The following ATXN7L1 variants were observed in gnomAD, a reference collection of about 807,000 sequenced individuals.
ATXN7L1 encodes the protein ataxin 7 like 1, also known as ataxin-7-like protein 1.
ATXN7L1 carries 15 observed loss-of-function variants against 70.8 expected under a neutral mutation model. That is an observed-to-expected ratio of 0.21 (90% CI 0.14 to 0.33). The LOEUF is 0.33. Ranked by LOEUF, ATXN7L1 falls within the 10% of genes least tolerant of loss-of-function variation. The pLI is 1.00. For missense variants in ATXN7L1, 975 were observed against 1,097.1 expected, an observed-to-expected ratio of 0.89 and a Z score of 1.57; for synonymous variants, 440 against 445.1, an observed-to-expected ratio of 0.99 and a Z score of 0.14.
chr7:105,617,079 T>A (rs964466843), intron 9 of ATXN7L1, among the ~76,000 whole-genome samples: 4 of 151,790 alleles, frequency 2.6e-5, no homozygotes, highest in Admixed American at 1.3e-4. Context: ...CAGGCTGGAG[T>A]GCAGTGGTGT....
At chr7:105,663,540 G>A (rs1802041409) in intron 4 of ATXN7L1, among the ~76,000 whole-genome samples, 1 of 152,066 alleles carries the variant, frequency 6.6e-6, no homozygotes, top group Non-Finnish European at 1.5e-5. Flanking sequence ...AAATTAGATG[G>A]ACTCCACACT....
chr7:105,646,945 GA>G (rs141884008), intron 4 of ATXN7L1, among the ~76,000 whole-genome samples: 7,344 of 144,650 alleles, frequency 0.051, 296 homozygotes, highest in East Asian at 0.23. Context: ...CCCTGTCTTG[GA>G]AAAAAAAAAA....
chr7:105,860,168 T>C (rs1361731557), intron 2 of ATXN7L1, among the ~76,000 whole-genome samples: 1 of 138,352 alleles, frequency 7.2e-6, no homozygotes, highest in Non-Finnish European at 1.6e-5. Flanking sequence ...TATATATATA[T>C]GAAAACAAGA....
intron 3 of ATXN7L1, among the ~76,000 whole-genome samples, chr7:105,747,104 T>G (rs1798671109): frequency 1.3e-5 from 2 of 152,236 alleles, no homozygotes; most frequent in Admixed American, 1.3e-4. Context: ...AGCGCCAAAA[T>G]GATGTCTTTT....
chr7:105,645,432 C>T (rs988593516), intron 4 of ATXN7L1, among the ~76,000 whole-genome samples: 2 of 151,914 alleles, frequency 1.3e-5, no homozygotes, highest in Non-Finnish European at 2.9e-5. Context: ...GAGGCTGAGG[C>T]GGGTGGATCA....
chr7:105,680,453 T>A (rs1805386733), intron 3 of ATXN7L1, among the ~76,000 whole-genome samples: 1 of 152,180 alleles, frequency 6.6e-6, no homozygotes, highest in Admixed American at 6.5e-5. Flanking sequence ...TGAGGAGAAT[T>A]CATCAGTTTC....
At chr7:105,804,394 G>GT (rs1554469287) in intron 2 of ATXN7L1, among the ~76,000 whole-genome samples, 1 of 152,196 alleles carries the variant, frequency 6.6e-6, no homozygotes, top group Non-Finnish European at 1.5e-5. Context: ...CTGCCCCAAG[G>GT]TAAGGTTCAG....
intron 2 of ATXN7L1, among the ~76,000 whole-genome samples, chr7:105,827,316 T>A (rs373562350): frequency 6.6e-6 from 1 of 152,224 alleles, no homozygotes; most frequent in South Asian, 2.1e-4. Context: ...AACCATTCAC[T>A]TAAAAAGAGA....
chr7:105,606,809 C>A lies in ATXN7L1; in HGVS notation c.*1043G>T, dbSNP rs1407177417. ...TGGGAAATGCTATTATTTATTCTGA[C>A]AAAAGGTTTGACACATACCCTTTTG... On this transcript the variant is annotated 3_prime_UTR_variant, in exon 12 of 12. Coordinates refer to ENST00000419735, the MANE Select transcript of ATXN7L1 (RefSeq NM_020725.2). 1 of 152,224 alleles carries A rather than the reference C, an allele frequency of 6.6e-6. No individual in the cohort carries two copies. The highest frequency in any genetic ancestry group is 6.5e-5 in the Admixed American group (1 of 15,284). The allele number at this position is 152,224 out of a possible 1,614,324, so 9.4% of individuals were successfully genotyped here.
At chr7:105,789,449 G>T (rs1015869545) in intron 2 of ATXN7L1, among the ~76,000 whole-genome samples, 4 of 152,034 alleles carry the variant, frequency 2.6e-5, no homozygotes, top group Admixed American at 6.5e-5. Flanking sequence ...AGACACACGG[G>T]GTCCCCTGGG....
chr7:105,669,859 T>C (rs370491720), intron 3 of ATXN7L1, among the ~76,000 whole-genome samples: 1 of 145,348 alleles, frequency 6.9e-6, no homozygotes, highest in Non-Finnish European at 1.5e-5. Flanking sequence ...GTGGAGGTTG[T>C]AGTGAGCCGA....
At chr7:105,842,246 A>C (rs1265340033) in intron 2 of ATXN7L1, among the ~76,000 whole-genome samples, 1 of 152,052 alleles carries the variant, frequency 6.6e-6, no homozygotes, top group African/African-American at 2.4e-5. Context: ...ATAACACAAA[A>C]TTAATTATTT....
chr7:105,814,177 C>T (rs1035152625), intron 2 of ATXN7L1, among the ~76,000 whole-genome samples: 1 of 152,166 alleles, frequency 6.6e-6, no homozygotes, highest in Non-Finnish European at 1.5e-5. Context: ...ACCTGGGGAC[C>T]ATCCAGTGTT....
rs201070579 is a variant in ATXN7L1, at chr7:105,785,457, C to CA, written c.355+3146dup. On this transcript the variant is annotated intron_variant, in intron 3 of 11. Coordinates refer to ENST00000419735, the MANE Select transcript of ATXN7L1 (RefSeq NM_020725.2). ...CTACAGTCTGGATGACAGTCTGACT[C>CA]AAAAAAAAACAAAACCCAAAAGACA... is the stretch of plus-strand genomic sequence containing the variant. Among the ~76,000 whole-genome samples the CA allele has an allele frequency of 2.6e-3, 387 of 147,702 alleles. 6 individuals are homozygous for CA. The highest frequency in any genetic ancestry group is 0.026 in the East Asian group (130 of 5,058).
chr7:105,761,010 A>C (rs1800463509), intron 3 of ATXN7L1: 1 of 295,476 alleles, frequency 3.4e-6, no homozygotes, highest in African/African-American at 2.3e-5. Flanking sequence ...AAGTCAAGAG[A>C]ATGACATGAT....
intron 3 of ATXN7L1, among the ~76,000 whole-genome samples, chr7:105,776,099 A>G (rs1407280062): frequency 6.6e-6 from 1 of 152,074 alleles, no homozygotes; most frequent in Non-Finnish European, 1.5e-5. Flanking sequence ...AACATTCTTT[A>G]CTCAGATTTA....
At chr7:105,733,625 TCCA>T (rs1796929013) in intron 3 of ATXN7L1, among the ~76,000 whole-genome samples, 1 of 110,790 alleles carries the variant, frequency 9.0e-6, no homozygotes, top group Non-Finnish European at 1.9e-5. Context: ...CATCCATCCA[TCCA>T]TCCACCCATC....
intron 3 of ATXN7L1, among the ~76,000 whole-genome samples, chr7:105,728,348 T>C (rs865783721): frequency 2.0e-5 from 3 of 152,164 alleles, no homozygotes; most frequent in Non-Finnish European, 2.9e-5. Context: ...TTCATGCATA[T>C]TGGAACTGAA....
At chr7:105,715,424 C>G (rs1794422323) in intron 3 of ATXN7L1, among the ~76,000 whole-genome samples, 1 of 152,236 alleles carries the variant, frequency 6.6e-6, no homozygotes, top group Non-Finnish European at 1.5e-5. Context: ...CAGAGCTTCC[C>G]TGTTTTCTAA....
Sources: allele counts gnomAD v4.1 joint callset (sites outside exome capture counted in the v4.1 genomes callset), GRCh38; gene constraint gnomAD v4.1.1; transcripts MANE v1.5; gene names NCBI Gene and HGNC (gene_info 2026-07-23, HGNC 2026-07-21).